The following TSN variants were observed in gnomAD, a reference collection of about 807,000 sequenced individuals.
The protein encoded by TSN is translin.
In TSN, 5 loss-of-function variants were observed where a neutral mutation model predicts 29.4. The ratio of observed to expected loss-of-function variants is 0.17; its 90% CI spans 0.09 to 0.36. The LOEUF (loss-of-function observed/expected upper bound fraction) is 0.36. Ranked by LOEUF, TSN falls within the 10% of genes least tolerant of loss-of-function variation. The pLI is 1.00. For missense variants in TSN, 159 were observed against 272.8 expected, an observed-to-expected ratio of 0.58 and a Z score of 2.94; for synonymous variants, 106 against 102.2, an observed-to-expected ratio of 1.04 and a Z score of -0.23.
Position 121,755,764 on chromosome 2 carries a change from T to C in TSN, c.-16T>C, listed in dbSNP as rs752658027. 4.3e-6 allele frequency: 7 copies of C among 1,613,352 alleles called. No individual in the cohort carries two copies. The highest frequency in any genetic ancestry group is 3.3e-5 in the South Asian group (3 of 91,082). On this transcript the variant is annotated 5_prime_UTR_variant, in exon 1 of 6. Transcript: ENST00000389682. ...CCGCCCTTGCTACACTGGCTGATTG[T>C]TGTGCAGCCGGCGCCATGTCTGTGA...
In TSN at chr2:121,760,318, C is replaced by A. The variant is rs994266676; in HGVS notation, c.258-1091C>A. On this transcript the variant is annotated intron_variant, in intron 3 of 5. Coordinates refer to ENST00000389682, the MANE Select transcript of TSN (RefSeq NM_004622.3). The stretch of plus-strand genomic sequence containing the variant: ...GTTTCATCCTGAAACCATCCGCCCC[C>A]CTTCTGTGGAAAAATTGTCTTCCAT... 7.2e-5 allele frequency among the ~76,000 whole-genome samples: 11 copies of A among 152,192 alleles called. No homozygotes were observed. In the South Asian group the frequency reaches 8.3e-4, roughly 11 times the overall value.
chr2:121,756,866 G>A (rs1372361086), intron 1 of TSN, among the ~76,000 whole-genome samples: 1 of 148,316 alleles, frequency 6.7e-6, no homozygotes, highest in Non-Finnish European at 1.5e-5. Context: ...CTGAGATCGC[G>A]CCACTGCACT....
chr2:121,757,356 A>G, intron 2 of TSN, 23 bp downstream of exon 2: 1 of 1,613,622 alleles, frequency 6.2e-7, no homozygotes, highest in African/African-American at 1.3e-5. Context: ...TTTTGTATCC[A>G]ATTATCAGTC....
intron 2 of TSN, 87 bp downstream of exon 2, chr2:121,757,420 C>T (rs749676375): frequency 2.5e-6 from 4 of 1,588,008 alleles, no homozygotes; most frequent in East Asian, 4.6e-5. Context: ...TGAAAAATGG[C>T]TATCATGCTT....
chr2:121,756,640 C>CA (rs1458476390), intron 1 of TSN: 1 of 1,296,736 alleles, frequency 7.7e-7, no homozygotes, highest in East Asian at 5.8e-5. Context: ...AGCGGCGCCT[C>CA]ATGCCTGTAA....
At chr2:121,755,924 C>T in intron 1 of TSN, 79 bp downstream of exon 1, 2 of 1,597,376 alleles carry the variant, frequency 1.3e-6, no homozygotes, top group Non-Finnish European at 1.7e-6. Flanking sequence ...CTCTGTCGCT[C>T]AGTCTCGGGC....
chr2:121,755,931 G>A, intron 1 of TSN, 86 bp downstream of exon 1: 1 of 1,594,034 alleles, frequency 6.3e-7, no homozygotes, highest in East Asian at 2.3e-5. Context: ...GCTCAGTCTC[G>A]GGCGGTGGGG....
chr2:121,758,932 C>T (rs1249021125), intron 3 of TSN, 126 bp downstream of exon 3: 17 of 551,706 alleles, frequency 3.1e-5, no homozygotes, highest in African/African-American at 3.9e-5. Flanking sequence ...GAGAAAAAAC[C>T]GAACTAATAA....
Position 121,757,424 on chromosome 2 carries a change from C to A in TSN, c.160+91C>A, listed in dbSNP as rs758044144. ...ACATTTTATAATGAAAAATGGCTATCATGCTTTATGGTGAGTAAAAATTGA... is the reference window on the plus strand; with the variant it reads ...ACATTTTATAATGAAAAATGGCTATAATGCTTTATGGTGAGTAAAAATTGA... On this transcript the variant is annotated intron_variant, in intron 2 of 5. Transcript: ENST00000389682. 14 of 1,582,822 alleles carry A rather than the reference C, an allele frequency of 8.8e-6. No homozygotes were observed. In the African/African-American group the frequency reaches 1.4e-4, roughly 15 times the overall value.
In TSN at chr2:121,767,746, A is replaced by G. The variant is rs2074923236; in HGVS notation, c.*2379A>G. On this transcript the variant is annotated 3_prime_UTR_variant, in exon 6 of 6. Coordinates refer to ENST00000389682, the MANE Select transcript of TSN (RefSeq NM_004622.3). ...AGGAAAGCTTTGGCAGTGTTTTGAGAACTTAAGTGGCTAAAGAGATGAGAC... is the reference window on the plus strand; with the variant it reads ...AGGAAAGCTTTGGCAGTGTTTTGAGGACTTAAGTGGCTAAAGAGATGAGAC... 1 of 152,126 alleles carries G rather than the reference A, an allele frequency of 6.6e-6. No homozygotes were observed. The highest frequency in any genetic ancestry group is 1.5e-5 in the Non-Finnish European group (1 of 68,034). The allele number at this position is 152,126 out of a possible 1,614,324, so 9.4% of individuals were successfully genotyped here.
At position 121,765,225 on chromosome 2, in the gene TSN, G is replaced by A; in HGVS notation, c.545G>A (p.Arg182His). 6.2e-7 allele frequency: 1 copy of A among 1,614,118 alleles called. No homozygotes were observed. The change falls in exon 6 of 6, where the codon CGC becomes CAC. Residue 182 changes from arginine to histidine, a missense_variant. By Grantham distance (29) the Arg-to-His change is conservative. Around this residue, in one of 3 missense-constraint regions of TSN, gnomAD observed 85 missense variants for 178.1 expected, o/e 0.48. Transcript: ENST00000389682. Reference protein sequence around the residue: ...TFINELDSGFRLLNLKNDSLR... With the variant: ...TFINELDSGFHLLNLKNDSLR... The stretch of plus-strand genomic sequence containing the variant: ...ATCAATGAGCTGGATTCCGGTTTTC[G>A]CCTTCTCAACCTGAAAAATGACTCC...
rs185321035 is a variant in TSN, at chr2:121,765,602, A to T, written c.*235A>T. 3.1e-4 allele frequency: 169 copies of T among 545,954 alleles called. 1 individual carries two copies. The highest frequency in any genetic ancestry group is 2.5e-3 in the African/African-American group (135 of 53,142). 33.8% of individuals were successfully genotyped at this position (545,954 alleles called of 1,614,324 possible). On this transcript the variant is annotated 3_prime_UTR_variant, in exon 6 of 6. Transcript: ENST00000389682. The stretch of plus-strand genomic sequence containing the variant: ...AGTGAATATGCCTGTAATTCAGTGT[A>T]TTTCAGTTCCGTCAGAAAGTGTAAA...
At chr2:121,764,414 A>AAG (rs1449023459) in intron 5 of TSN, among the ~76,000 whole-genome samples, 2 of 152,158 alleles carry the variant, frequency 1.3e-5, no homozygotes, top group African/African-American at 4.8e-5. Context: ...ACACCAGCCT[A>AAG]AGCAACAAAG....
intron 1 of TSN, 38 bp downstream of exon 1, chr2:121,755,883 A>T: frequency 6.2e-7 from 1 of 1,612,206 alleles, no homozygotes; most frequent in Non-Finnish European, 8.5e-7. Flanking sequence ...TTGCCTTTCC[A>T]TGCCTAGTTG....
chr2:121,762,938 G>A (rs2074850872), intron 4 of TSN, 67 bp from the exon 5 acceptor site: 1 of 1,382,272 alleles, frequency 7.2e-7, no homozygotes, highest in Non-Finnish European at 9.9e-7. Context: ...GAAATTATGT[G>A]TATATTTTTA....
At position 121,755,689 on chromosome 2, in the gene TSN, C is replaced by G. The variant is rs749498736; in HGVS notation, c.-91C>G. The G allele has an allele frequency of 1.3e-6, 2 of 1,531,312 alleles. No individual in the cohort carries two copies. The highest frequency in any genetic ancestry group is 8.9e-7 in the Non-Finnish European group (1 of 1,120,404). 94.9% of individuals were successfully genotyped at this position (1,531,312 alleles called of 1,614,324 possible). On this transcript the variant is annotated 5_prime_UTR_variant, in exon 1 of 6. Coordinates refer to ENST00000389682, the MANE Select transcript of TSN (RefSeq NM_004622.3). ...GACCGGGGGGACGCGGCGGTAGCGG[C>G]GGCCGTTGCGATTGATTGCGCTGGT...
intron 1 of TSN, chr2:121,756,591 A>C (rs1271665742): frequency 1.4e-5 from 18 of 1,286,380 alleles, no homozygotes; most frequent in African/African-American, 4.6e-5. Context: ...GCACATAAGT[A>C]TGCTCAGTGA....
At chr2:121,761,599 T>G in intron 4 of TSN, 75 bp downstream of exon 4, 1 of 1,157,336 alleles carries the variant, frequency 8.6e-7, no homozygotes, top group Non-Finnish European at 1.3e-6. Flanking sequence ...GTGGTTGTAC[T>G]TTGTTTATTA....
intron 1 of TSN, chr2:121,756,502 ATCT>A (rs1010437355): frequency 1.1e-4 from 47 of 440,278 alleles, no homozygotes; most frequent in African/African-American, 9.2e-4. Flanking sequence ...TTTTAAAAAA[ATCT>A]TCTCCCTCAT....
Sources: gnomAD v4.1 joint callset for allele counts (sites outside exome capture counted in the v4.1 genomes callset) on GRCh38, gnomAD v4.1.1 for gene constraint, gnomAD v4.1.1 regional missense constraint, MANE v1.5 for transcripts, NCBI Gene and HGNC (gene_info 2026-07-23, HGNC 2026-07-21) for gene names.